Variants in PACRGL observed in about 807,000 individuals in gnomAD.
The protein encoded by PACRGL is parkin coregulated like.
A neutral mutation model predicts 34.5 loss-of-function variants in PACRGL; 38 were observed. The ratio of observed to expected loss-of-function variants is 1.10; its 90% CI spans 0.85 to 1.44. The LOEUF is 1.44. Among genes scored for constraint, PACRGL ranks in the 40% most tolerant of loss-of-function variants. The pLI is 0.00. For synonymous variants in PACRGL, 128 were observed against 100.1 expected (o/e 1.28, Z -1.66); for missense variants, 305 against 281.4 (o/e 1.08, Z -0.60).
chr4:20,724,197 C>T (rs1397122357), intron 7 of PACRGL, among the ~76,000 whole-genome samples: 2 of 152,092 alleles, frequency 1.3e-5, no homozygotes, highest in African/African-American at 2.4e-5. Context: ...AATGTAGATT[C>T]TGGGCTTCTG....
At position 20,704,664 on chromosome 4, in the gene PACRGL, C is replaced by G. The variant is rs554905613; in HGVS notation, c.57C>G (p.Asn19Lys). 8 of 1,613,844 alleles carry G rather than the reference C, an allele frequency of 5.0e-6. No homozygotes were observed. The highest frequency in any genetic ancestry group is 6.8e-6 in the Non-Finnish European group (8 of 1,179,968). Residue 19 changes from asparagine to lysine, a missense_variant, in exon 3 of 9, where the codon AAC becomes AAG. Asn to Lys is a moderately conservative substitution (Grantham distance 94). Coordinates refer to ENST00000503585, the MANE Select transcript of PACRGL (RefSeq NM_001258345.3). ...GTQLKNRATG[N>K]YDQRTSSSTQ... The stretch of plus-strand genomic sequence containing the variant: ...TGATGTTCTGTTTTTTTCCAGGTAA[C>G]TATGATCAAAGGACATCATCAAGCA...
In PACRGL at chr4:20,752,754, A is replaced by G. The variant is rs1753871516; in HGVS notation, c.*246A>G. ...AAGCCACTGGCTTTGACTGGGTGAG[A>G]GAAAGAAGCAAAGGCAAAGGAATGT... is the stretch of plus-strand genomic sequence containing the variant. On this transcript the variant is annotated 3_prime_UTR_variant, in exon 9 of 9. Coordinates refer to the PACRGL transcript ENST00000507634. The G allele has an allele frequency of 2.0e-5, 3 of 152,366 alleles. No homozygotes were observed. The South Asian group carries it at 6.2e-4, about 32-fold the overall frequency. 9.4% of individuals were successfully genotyped at this position (152,366 alleles called of 1,614,324 possible).
chr4:20,699,115 CTG>C, upstream of PACRGL, among the ~76,000 whole-genome samples: 1 of 152,212 alleles, frequency 6.6e-6, no homozygotes, highest in South Asian at 2.1e-4. Context: ...AGGAGCTCTA[CTG>C]AGTCTGACAC....
the PACRGL span, chr4:20,766,808 A>G: frequency 6.6e-6 from 1 of 152,112 alleles, no homozygotes; most frequent in Non-Finnish European, 1.5e-5. Flanking sequence ...TATTTAGAGG[A>G]ATCTAGTGCA....
At chr4:20,763,123 A>C in the PACRGL span, among the ~76,000 whole-genome samples, 19 of 152,286 alleles carry the variant, frequency 1.2e-4, no homozygotes, top group African/African-American at 4.6e-4. Flanking sequence ...ATTACAATTC[A>C]AGATGAGATT....
chr4:20,763,056 C>T, the PACRGL span, among the ~76,000 whole-genome samples: 1 of 152,070 alleles, frequency 6.6e-6, no homozygotes, highest in Admixed American at 6.6e-5. Context: ...GGGGGAACTG[C>T]CTCCATGATT....
downstream of PACRGL, among the ~76,000 whole-genome samples, chr4:20,753,259 A>T (rs1255892031): frequency 6.6e-6 from 1 of 152,178 alleles, no homozygotes; most frequent in East Asian, 1.9e-4. Context: ...TGGAATCAAG[A>T]TATTCCTATA....
At chr4:20,760,593 G>A in the PACRGL span, among the ~76,000 whole-genome samples, 3 of 152,118 alleles carry the variant, frequency 2.0e-5, no homozygotes, top group Non-Finnish European at 4.4e-5. Context: ...AGAGCTTCTC[G>A]ATATGGTTTT....
At chr4:20,758,074 G>C in the PACRGL span, among the ~76,000 whole-genome samples, 1 of 152,118 alleles carries the variant, frequency 6.6e-6, no homozygotes, top group Non-Finnish European at 1.5e-5. Flanking sequence ...CCCCCTACGT[G>C]ATCAGCACCT....
At chr4:20,742,277 T>A (rs1039104661) in intron 8 of PACRGL, among the ~76,000 whole-genome samples, 2 of 152,132 alleles carry the variant, frequency 1.3e-5, no homozygotes, top group African/African-American at 4.8e-5. Context: ...AAAAGAATTT[T>A]AGACCAATAT....
At chr4:20,696,384 A>C (rs182520980), upstream of PACRGL, 4 of 152,354 alleles carry the variant, frequency 2.6e-5, no homozygotes, top group African/African-American at 9.6e-5. Context: ...AGCAATCTAC[A>C]AGAATGAAGG....
At chr4:20,738,992 A>G (rs1169818843) in intron 8 of PACRGL, among the ~76,000 whole-genome samples, 1 of 152,186 alleles carries the variant, frequency 6.6e-6, no homozygotes, top group African/African-American at 2.4e-5. Flanking sequence ...GCTCACTGCT[A>G]TCACAGAAGT....
At chr4:20,726,403 CCTT>C (rs941723663) in intron 8 of PACRGL, among the ~76,000 whole-genome samples, 41 of 152,056 alleles carry the variant, frequency 2.7e-4, no homozygotes, top group African/African-American at 8.9e-4. Flanking sequence ...CTTGTTTCCT[CCTT>C]CTTATATCCT....
chr4:20,716,116 C>T (rs1306975636), intron 7 of PACRGL: 2 of 1,524,900 alleles, frequency 1.3e-6, no homozygotes, highest in Non-Finnish European at 1.8e-6. Flanking sequence ...GGACCCTGTG[C>T]AGCTCATGAG....
intron 7 of PACRGL, among the ~76,000 whole-genome samples, chr4:20,715,566 G>T (rs1739513308): frequency 6.6e-6 from 1 of 151,834 alleles, no homozygotes; most frequent in Non-Finnish European, 1.5e-5. Context: ...AGAGTTCAGG[G>T]TTATAATAAA....
chr4:20,753,663 G>A (rs1174297173), downstream of PACRGL, among the ~76,000 whole-genome samples: 2 of 152,086 alleles, frequency 1.3e-5, no homozygotes, highest in Non-Finnish European at 2.9e-5. Flanking sequence ...TCATGACATC[G>A]TTACTATGGT....
downstream of PACRGL, among the ~76,000 whole-genome samples, chr4:20,753,316 A>T (rs1753966686): frequency 6.6e-6 from 1 of 152,108 alleles, no homozygotes; most frequent in African/African-American, 2.4e-5. Context: ...AACCCCTAGG[A>T]TTCCTTTGGT....
chr4:20,759,228 T>G, the PACRGL span, among the ~76,000 whole-genome samples: 13 of 152,130 alleles, frequency 8.5e-5, no homozygotes, highest in South Asian at 2.3e-3. Context: ...TGCAAGATGT[T>G]TATAATATAG....
At chr4:20,738,327 G>A (rs1170834791) in intron 8 of PACRGL, among the ~76,000 whole-genome samples, 1 of 152,044 alleles carries the variant, frequency 6.6e-6, no homozygotes, top group African/African-American at 2.4e-5. Context: ...CTGGCCACAG[G>A]GTCTTTGAAA....
Sources: allele counts gnomAD v4.1 joint callset (sites outside exome capture counted in the v4.1 genomes callset), GRCh38; gene constraint gnomAD v4.1.1; transcripts MANE v1.5; gene names NCBI Gene and HGNC (gene_info 2026-07-23, HGNC 2026-07-21).